NSD2: variants seen among roughly 807,000 people sequenced by gnomAD.
NSD2 encodes the protein nuclear receptor binding SET domain protein 2.
A neutral mutation model predicts 139.0 loss-of-function variants in NSD2; 12 were observed. That is an observed-to-expected ratio of 0.09 (90% CI 0.06 to 0.14). The LOEUF is 0.14. NSD2 is among the 10% of genes least tolerant of loss of function. The pLI, the probability that NSD2 is intolerant of heterozygous loss-of-function variation, is 1.00. For synonymous variants in NSD2, 669 were observed against 648.7 expected (o/e 1.03, Z -0.48); for missense variants, 1,155 against 1,745.0 (o/e 0.66, Z 6.02).
At chr4:1,938,100 T>A (rs1043700181) in intron 7 of NSD2, among the ~76,000 whole-genome samples, 1 of 152,182 alleles carries the variant, frequency 6.6e-6, no homozygotes. Flanking sequence ...AGGTGCATGT[T>A]CAATAAGACT....
At chr4:1,872,639 C>CGA (rs1322527631) in intron 1 of NSD2, among the ~76,000 whole-genome samples, 38 of 50,566 alleles carry the variant, frequency 7.5e-4, no homozygotes, top group South Asian at 2.2e-3. Context: ...AGAGAGAGCG[C>CGA]GCAGACCCTG....
chr4:1,945,622 T>G, intron 9 of NSD2: 1 of 1,064,754 alleles, frequency 9.4e-7, no homozygotes, highest in African/African-American at 1.6e-5. Context: ...TGAGCTGGGC[T>G]TCTGTCCTCC....
At chr4:1,911,398 G>A (rs929439289) in intron 3 of NSD2, among the ~76,000 whole-genome samples, 2 of 151,898 alleles carry the variant, frequency 1.3e-5, no homozygotes, top group Admixed American at 1.3e-4. Flanking sequence ...GACCAGCCTG[G>A]CCAACGTGAT....
At position 1,958,605 on chromosome 4, in the gene NSD2, G is replaced by T. The variant is rs1725066015; in HGVS notation, c.2985+569G>T. On this transcript the variant is annotated intron_variant, in intron 16 of 21. Coordinates refer to ENST00000508803, the MANE Select transcript of NSD2 (RefSeq NM_001042424.3). This position sits in a 1 kb window ranked among gnomAD's most constrained non-coding sequence, Gnocchi z 4.6. ...CCGCATCCCCAGGAGCCTCGTGGCC[G>T]TTCCTGACGAGTGTTTGTGATAAGT... Among the ~76,000 whole-genome samples, 1 of 152,254 alleles carries T rather than the reference G, an allele frequency of 6.6e-6. No homozygotes were observed. Among genetic ancestry groups the T allele is most frequent in the Admixed American group, 6.5e-5 (1 of 15,288 alleles).
chr4:1,975,296 A>T lies in NSD2; in HGVS notation c.3517A>T (p.Thr1173Ser), dbSNP rs1285311675. ...LFAVCDIPAG[T>S]ELTFNYNLDC... ...GTGTCTGTCTCCTCTTCTCCCAGGG[A>T]CGGAGCTGACTTTTAACTACAACCT... is the stretch of plus-strand genomic sequence containing the variant. Residue 1173 changes from threonine to serine, a missense_variant and splice_region_variant, in exon 20 of 22, where the codon ACG becomes TCG. By Grantham distance (58) the Thr-to-Ser change is moderately conservative. Around this residue, in one of 8 missense-constraint regions of NSD2, gnomAD observed 139 missense variants for 485.8 expected, o/e 0.29. Coordinates refer to ENST00000508803, the MANE Select transcript of NSD2 (RefSeq NM_001042424.3). 2 of 1,614,006 alleles carry T rather than the reference A, an allele frequency of 1.2e-6. No individual in the cohort carries two copies. Among genetic ancestry groups the T allele is most frequent in the Non-Finnish European group, 1.7e-6 (2 of 1,180,016 alleles).
At chr4:1,975,045 G>C in intron 19 of NSD2, 41 bp downstream of exon 19, 1 of 1,612,804 alleles carries the variant, frequency 6.2e-7, no homozygotes, top group Non-Finnish European at 8.5e-7. Flanking sequence ...CCTGGCTATG[G>C]GGGCAGAGTG....
At chr4:1,963,029 A>G (rs1725523569) in intron 18 of NSD2, among the ~76,000 whole-genome samples, 1 of 152,188 alleles carries the variant, frequency 6.6e-6, no homozygotes. Context: ...ACATTGGAAC[A>G]GGGATTCTGA....
At chr4:1,932,164 C>T (rs774302845) in intron 6 of NSD2, among the ~76,000 whole-genome samples, 8 of 152,108 alleles carry the variant, frequency 5.3e-5, no homozygotes, top group East Asian at 1.9e-4. Flanking sequence ...TGTCTGGGCA[C>T]GGTGGCTCAC....
At chr4:1,939,805 A>G (rs973459237) in intron 9 of NSD2, 27 bp downstream of exon 9, 13 of 1,613,974 alleles carry the variant, frequency 8.1e-6, no homozygotes, top group African/African-American at 1.3e-5. Context: ...AACGATAACC[A>G]TGGCATTGGT....
chr4:1,916,708 C>A (rs1288295318), intron 3 of NSD2, among the ~76,000 whole-genome samples, 163 bp from the exon 4 acceptor site: 1 of 152,176 alleles, frequency 6.6e-6, no homozygotes, highest in Non-Finnish European at 1.5e-5. Context: ...ATTAGTTTCC[C>A]TCTTTGGCAT....
chr4:1,950,518 C>T (rs749657140), intron 9 of NSD2, among the ~76,000 whole-genome samples: 4 of 152,266 alleles, frequency 2.6e-5, no homozygotes, highest in Admixed American at 6.5e-5. Context: ...GGTGTGAGTC[C>T]GGAAGACTCT....
chr4:1,957,903 A>G (rs779214664), intron 15 of NSD2, 30 bp from the exon 16 acceptor site: 1 of 1,602,326 alleles, frequency 6.2e-7, no homozygotes, highest in Non-Finnish European at 8.5e-7. Flanking sequence ...ATTTACTAAA[A>G]TCTTTACTCC....
rs1419634416 is a variant in NSD2 at position 1,904,311 on chromosome 4, G to A, written c.693G>A (p.Ser231=). The A allele has an allele frequency of 4.3e-6, 7 of 1,613,998 alleles. No homozygotes were observed. The Admixed American group carries it at 1.0e-4, about 23-fold the overall frequency. ...NVGDLVWSKV[S]GYPWWPCMVS... ...GTGATTTGGTGTGGTCCAAAGTGTCGGGTTACCCTTGGTGGCCTTGCATGG... is the reference window on the plus strand; with the variant it reads ...GTGATTTGGTGTGGTCCAAAGTGTCAGGTTACCCTTGGTGGCCTTGCATGG... Residue 231 remains serine (S), a synonymous_variant, in exon 3 of 22, where the codon TCG becomes TCA. Coordinates refer to ENST00000508803, the MANE Select transcript of NSD2 (RefSeq NM_001042424.3).
At chr4:1,966,172 C>G (rs961956636) in intron 18 of NSD2, among the ~76,000 whole-genome samples, 2 of 152,146 alleles carry the variant, frequency 1.3e-5, no homozygotes, top group African/African-American at 2.4e-5. Flanking sequence ...AGCACTAGAC[C>G]TGCCTTGCAA....
chr4:1,947,167 C>T (rs988509312), intron 9 of NSD2: 1 of 1,064,754 alleles, frequency 9.4e-7, no homozygotes. Context: ...CCAGGCTCCT[C>T]CCCAGCACAC....
At chr4:1,874,168 G>GT (rs1409732569) in intron 1 of NSD2, among the ~76,000 whole-genome samples, 4 of 152,226 alleles carry the variant, frequency 2.6e-5, no homozygotes, top group South Asian at 2.1e-4. Flanking sequence ...TTTTTGTTTT[G>GT]TTTTTTGGTG....
chr4:1,922,927 TAA>T (rs921231617), intron 5 of NSD2, among the ~76,000 whole-genome samples: 2 of 151,640 alleles, frequency 1.3e-5, no homozygotes, highest in African/African-American at 4.9e-5. Context: ...TTCTGTCTCA[TAA>T]AAAATAAAAT....
intron 1 of NSD2, among the ~76,000 whole-genome samples, chr4:1,895,908 G>C (rs1322770518): frequency 6.6e-6 from 1 of 152,232 alleles, no homozygotes; most frequent in Non-Finnish European, 1.5e-5. Flanking sequence ...TGGGCTGGCT[G>C]GTAGAGGGGC....
At chr4:1,971,791 G>T (rs1726510656) in intron 18 of NSD2, among the ~76,000 whole-genome samples, 1 of 152,192 alleles carries the variant, frequency 6.6e-6, no homozygotes, top group Non-Finnish European at 1.5e-5. Flanking sequence ...ACCCTATCAG[G>T]TAAAGGAGGA....
Sources: gnomAD v4.1 joint callset for allele counts (sites outside exome capture counted in the v4.1 genomes callset) on GRCh38, gnomAD v4.1.1 for gene constraint, gnomAD v4.1.1 regional missense constraint, Gnocchi (gnomAD v3.1) non-coding constraint, MANE v1.5 for transcripts, NCBI Gene and HGNC (gene_info 2026-07-23, HGNC 2026-07-21) for gene names.